The following GRM8 variants were observed in gnomAD, a reference collection of about 807,000 sequenced individuals.
GRM8 encodes metabotropic glutamate receptor 8.
A neutral mutation model predicts 87.2 loss-of-function variants in GRM8; 47 were observed. The ratio of observed to expected loss-of-function variants is 0.54; its 90% CI spans 0.43 to 0.69. GRM8 has a LOEUF of 0.69. Among genes scored for constraint, GRM8 ranks in the 30% least tolerant of loss-of-function variants. The pLI is 0.00. For synonymous variants in GRM8, 396 were observed against 404.5 expected, an observed-to-expected ratio of 0.98 and a Z score of 0.25; for missense variants, 1,019 against 1,139.2, an observed-to-expected ratio of 0.89 and a Z score of 1.52.
chr7:126,892,854 T>C (rs1264998243), intron 6 of GRM8, among the ~76,000 whole-genome samples: 1 of 152,158 alleles, frequency 6.6e-6, no homozygotes, highest in Non-Finnish European at 1.5e-5. Flanking sequence ...TGTTATCTCA[T>C]TGTGGTTTTG....
At chr7:126,652,662 C>T (rs1481185874) in intron 7 of GRM8, among the ~76,000 whole-genome samples, 4 of 152,182 alleles carry the variant, frequency 2.6e-5, no homozygotes, top group Non-Finnish European at 4.4e-5. Context: ...TTCCTGCCCT[C>T]GAACATGAGA....
At chr7:127,056,213 C>T (rs1425429649) in intron 3 of GRM8, among the ~76,000 whole-genome samples, 3 of 151,974 alleles carry the variant, frequency 2.0e-5, no homozygotes, top group Non-Finnish European at 4.4e-5. Flanking sequence ...TAGATCATTC[C>T]CAGCCAACAC....
At chr7:127,001,665 C>T (rs1336794390) in intron 3 of GRM8, among the ~76,000 whole-genome samples, 10 of 151,572 alleles carry the variant, frequency 6.6e-5, no homozygotes, top group African/African-American at 2.2e-4. Flanking sequence ...ATTCTTATAA[C>T]GTTGAACACA....
chr7:127,135,853 C>A (rs1487803764), intron 2 of GRM8, among the ~76,000 whole-genome samples: 1 of 152,080 alleles, frequency 6.6e-6, no homozygotes, highest in African/African-American at 2.4e-5. Context: ...ATTATTATTT[C>A]ATTAGATAGT....
At chr7:126,857,743 G>A (rs1352138281) in intron 6 of GRM8, among the ~76,000 whole-genome samples, 1 of 152,102 alleles carries the variant, frequency 6.6e-6, no homozygotes, top group Non-Finnish European at 1.5e-5. Flanking sequence ...AGACTCCTAT[G>A]TTCTATTATA....
chr7:126,947,751 C>T (rs1807701015), intron 3 of GRM8, among the ~76,000 whole-genome samples: 4 of 152,138 alleles, frequency 2.6e-5, no homozygotes, highest in African/African-American at 9.7e-5. Context: ...AGTGTCCTTT[C>T]TCTCAGTCGA....
intron 9 of GRM8, among the ~76,000 whole-genome samples, chr7:126,463,962 T>C (rs1353890361): frequency 1.3e-5 from 2 of 151,796 alleles, no homozygotes; most frequent in Non-Finnish European, 2.9e-5. Context: ...TTATGCTGTG[T>C]TTCTACTACA....
rs200358466 is a variant in GRM8 at position 126,446,291 on chromosome 7, C to A, written c.2512G>T (p.Val838Phe). The part of the protein sequence containing the change: ...VSLGMLYMPK[V>F]YIIIFHPEQN... Reference sequence around the variant, plus strand: ...TCTGGATGAAAAATTATAATATAAACCTTGGGCATATAGAGCATGCCCAGA... The same window carrying A: ...TCTGGATGAAAAATTATAATATAAAACTTGGGCATATAGAGCATGCCCAGA... Residue 838 changes from valine to phenylalanine, a missense_variant, in exon 10 of 11, where the codon GTT becomes TTT. Physicochemically the swap from Val to Phe is conservative, Grantham distance 50. Coordinates refer to ENST00000339582, the MANE Select transcript of GRM8 (RefSeq NM_000845.3). 1.9e-6 allele frequency: 3 copies of A among 1,611,740 alleles called. No individual in the cohort carries two copies. The highest frequency in any genetic ancestry group is 2.2e-5 in the East Asian group (1 of 44,674).
chr7:127,042,385 C>G (rs916742408), intron 3 of GRM8, among the ~76,000 whole-genome samples: 2 of 152,144 alleles, frequency 1.3e-5, no homozygotes, highest in African/African-American at 4.8e-5. Context: ...ACAGAGGGGT[C>G]ATGGTTTTGA....
At chr7:127,068,140 A>G (rs560190165) in intron 3 of GRM8, among the ~76,000 whole-genome samples, 1 of 152,274 alleles carries the variant, frequency 6.6e-6, no homozygotes, top group African/African-American at 2.4e-5. Flanking sequence ...ATTTCCTGAA[A>G]TATCTAGTAT....
At chr7:126,932,201 G>A (rs1203764523) in intron 3 of GRM8, among the ~76,000 whole-genome samples, 2 of 152,094 alleles carry the variant, frequency 1.3e-5, no homozygotes, top group African/African-American at 2.4e-5. Flanking sequence ...TTTGCTATGA[G>A]TCTTTCTTTA....
intron 3 of GRM8, chr7:126,981,001 T>A (rs1811465822): frequency 6.6e-6 from 1 of 152,228 alleles, no homozygotes; most frequent in Non-Finnish European, 1.5e-5. Context: ...CCCACCTTTC[T>A]CTGTTTGAGA....
At chr7:126,882,897 C>T (rs968774877) in intron 6 of GRM8, among the ~76,000 whole-genome samples, 3 of 152,066 alleles carry the variant, frequency 2.0e-5, no homozygotes, top group Non-Finnish European at 4.4e-5. Context: ...ATTTGTAATT[C>T]GCCTTTACCC....
chr7:126,682,078 C>A (rs75662504), intron 7 of GRM8, among the ~76,000 whole-genome samples: 3 of 152,164 alleles, frequency 2.0e-5, no homozygotes, highest in Non-Finnish European at 2.9e-5. Context: ...AATGTATATA[C>A]CCTTAGTAGT....
intron 6 of GRM8, among the ~76,000 whole-genome samples, chr7:126,829,924 C>CT (rs1184109292): frequency 6.6e-6 from 1 of 151,980 alleles, no homozygotes; most frequent in Non-Finnish European, 1.5e-5. Context: ...TCAGCATTTG[C>CT]TTGTCTGTGA....
intron 3 of GRM8, among the ~76,000 whole-genome samples, chr7:127,012,250 C>G (rs141680070): frequency 1.3e-5 from 2 of 152,130 alleles, no homozygotes; most frequent in African/African-American, 2.4e-5. Flanking sequence ...TTCCTTCTGA[C>G]AAGATCGATT....
intron 6 of GRM8, among the ~76,000 whole-genome samples, chr7:126,788,492 A>G (rs146913157): frequency 8.3e-4 from 125 of 151,128 alleles, no homozygotes; most frequent in African/African-American, 3.0e-3. Context: ...AACACCTCCC[A>G]TCCTACTTAT....
intron 2 of GRM8, among the ~76,000 whole-genome samples, chr7:127,132,825 G>A (rs769256574): frequency 6.6e-6 from 1 of 152,110 alleles, no homozygotes. Context: ...ACGGACAAGA[G>A]GAGTCCTAGA....
intron 3 of GRM8, among the ~76,000 whole-genome samples, chr7:127,051,277 ATTC>A (rs1300209410): frequency 1.3e-5 from 2 of 152,164 alleles, no homozygotes; most frequent in Admixed American, 1.3e-4. Flanking sequence ...CCTCCAGTTG[ATTC>A]TGATACATGT....
Sources: allele counts gnomAD v4.1 joint callset (sites outside exome capture counted in the v4.1 genomes callset), GRCh38; gene constraint gnomAD v4.1.1; transcripts MANE v1.5; gene names NCBI Gene and HGNC (gene_info 2026-07-23, HGNC 2026-07-21).